KLHL8: variants seen among roughly 807,000 people sequenced by gnomAD.
KLHL8 encodes kelch like family member 8, also known as kelch-like protein 8.
KLHL8 carries 38 observed loss-of-function variants against 63.5 expected under a neutral mutation model. The ratio of observed to expected loss-of-function variants is 0.60; its 90% CI spans 0.46 to 0.78. KLHL8 has a LOEUF of 0.78. Among genes scored for constraint, KLHL8 ranks in the 30% least tolerant of loss-of-function variants. KLHL8 has a pLI of 0.00. For missense variants in KLHL8, 566 were observed against 752.4 expected, an observed-to-expected ratio of 0.75 and a Z score of 2.90; for synonymous variants, 224 against 254.3, an observed-to-expected ratio of 0.88 and a Z score of 1.13.
chr4:87,197,489 A>C (rs1398847918), intron 1 of KLHL8, among the ~76,000 whole-genome samples: 2 of 152,200 alleles, frequency 1.3e-5, no homozygotes, highest in East Asian at 3.9e-4. Context: ...ATTTCTTCAT[A>C]ATTGAGCCTC....
chr4:87,232,604 C>A (rs1285494125), intron 1 of KLHL8, among the ~76,000 whole-genome samples: 1 of 152,188 alleles, frequency 6.6e-6, no homozygotes, highest in Non-Finnish European at 1.5e-5. Context: ...AATTGTCTTC[C>A]AAGATTGTCA....
chr4:87,212,112 C>CA (rs1338054443), intron 1 of KLHL8, among the ~76,000 whole-genome samples: 2 of 152,046 alleles, frequency 1.3e-5, no homozygotes, highest in Non-Finnish European at 2.9e-5. Flanking sequence ...TTGCCAAAGA[C>CA]AAAAAATAAA....
chr4:87,222,705 T>C (rs1732901489), upstream of KLHL8, among the ~76,000 whole-genome samples: 1 of 152,162 alleles, frequency 6.6e-6, no homozygotes, highest in African/African-American at 2.4e-5. Flanking sequence ...TGCCTCAGCC[T>C]CTGCAATAGT....
chr4:87,166,306 C>T (rs564064863), intron 8 of KLHL8, among the ~76,000 whole-genome samples: 16 of 152,324 alleles, frequency 1.1e-4, no homozygotes, highest in African/African-American at 3.8e-4. Context: ...TAAGAGAATG[C>T]TGTATTGTTA....
At chr4:87,169,142 T>C (rs1353521036) in intron 8 of KLHL8, among the ~76,000 whole-genome samples, 7 of 151,858 alleles carry the variant, frequency 4.6e-5, no homozygotes, top group Admixed American at 4.6e-4. Context: ...CTGTCTTTAC[T>C]AAAAATACAA....
At chr4:87,240,021 T>C (rs1158692970) in intron 1 of KLHL8, among the ~76,000 whole-genome samples, 1 of 152,202 alleles carries the variant, frequency 6.6e-6, no homozygotes, top group Admixed American at 6.5e-5. Context: ...AATAATTTAC[T>C]ATCTGATATT....
In KLHL8 at chr4:87,204,143, C is replaced by T. The variant is rs187292777; in HGVS notation, c.-151-8453G>A. ...GGATGACTGCTTAAGCCCAAGAGTTCGAAGCTGTAGTGCACTATCATCCGA... is the reference window on the plus strand; with the variant it reads ...GGATGACTGCTTAAGCCCAAGAGTTTGAAGCTGTAGTGCACTATCATCCGA... On this transcript the variant is annotated intron_variant, in intron 1 of 9. Transcript: ENST00000273963. 5.9e-5 allele frequency among the ~76,000 whole-genome samples: 9 copies of T among 152,236 alleles called. No individual in the cohort carries two copies. The East Asian group carries it at 7.7e-4, about 13-fold the overall frequency.
Position 87,176,773 on chromosome 4 carries a change from A to G in KLHL8, c.1192T>C (p.Ser398Pro). 6.4e-7 allele frequency: 1 copy of G among 1,570,764 alleles called. No individual in the cohort carries two copies. Among genetic ancestry groups the G allele is most frequent in the Admixed American group, 1.7e-5 (1 of 57,532 alleles). Reference sequence around the variant, plus strand: ...CTGATCTACCTCTTTGTGTTCATTGATGCCTTCATCATCCATTTATTAGTG... The same window carrying G: ...CTGATCTACCTCTTTGTGTTCATTGGTGCCTTCATCATCCATTTATTAGTG... ...PLTNKWMMKA[S>P]MNTKRRGIAL... The change falls in exon 6 of 10, where the codon TCA becomes CCA. Residue 398 changes from serine to proline, a missense_variant. By Grantham distance (74) the Ser-to-Pro change is moderately conservative (BLOSUM62 -1). Coordinates refer to ENST00000273963, the MANE Select transcript of KLHL8 (RefSeq NM_020803.5).
Position 87,189,728 on chromosome 4 carries a change from TAAA to T in KLHL8, c.217-3932_217-3930del, listed in dbSNP as rs1006054698. ...TTTTGTAAACTATCTCCACTTCACTTAAAAAAGTTTAGTAAAGGCCGGGCGCAG... is the reference window on the plus strand; with the variant it reads ...TTTTGTAAACTATCTCCACTTCACTTAAAGTTTAGTAAAGGCCGGGCGCAG... On this transcript the variant is annotated intron_variant, in intron 2 of 9. Transcript: ENST00000273963. Among the ~76,000 whole-genome samples the T allele has an allele frequency of 2.6e-5, 4 of 151,992 alleles. No homozygotes were observed. The East Asian group carries it at 7.7e-4, about 29-fold the overall frequency.
intron 1 of KLHL8, among the ~76,000 whole-genome samples, chr4:87,211,113 A>G (rs1732388925): frequency 6.6e-6 from 1 of 152,236 alleles, no homozygotes; most frequent in South Asian, 2.1e-4. Flanking sequence ...ATAAACAAAC[A>G]GAAGTACTTA....
At chr4:87,178,909 T>C (rs1936088462) in intron 4 of KLHL8, among the ~76,000 whole-genome samples, 1 of 152,220 alleles carries the variant, frequency 6.6e-6, no homozygotes, top group Non-Finnish European at 1.5e-5. Context: ...AGCCTCTAAG[T>C]TAATTTCTTA....
chr4:87,168,423 C>T (rs1019741055), intron 8 of KLHL8, among the ~76,000 whole-genome samples: 1 of 152,034 alleles, frequency 6.6e-6, no homozygotes, highest in Non-Finnish European at 1.5e-5. Context: ...GGGATGTGAA[C>T]TGAGTCTTGT....
intron 1 of KLHL8, among the ~76,000 whole-genome samples, chr4:87,205,822 G>A (rs2110033439): frequency 6.6e-6 from 1 of 152,272 alleles, no homozygotes; most frequent in South Asian, 2.1e-4. Flanking sequence ...TGAAGAAACT[G>A]AGGCACAGCA....
chr4:87,208,349 TGTC>T (rs1463397625), intron 1 of KLHL8, among the ~76,000 whole-genome samples: 3 of 151,796 alleles, frequency 2.0e-5, no homozygotes, highest in Non-Finnish European at 4.4e-5. Context: ...TCTAGTGAGT[TGTC>T]TTCTTCTTCT....
At chr4:87,233,585 A>G (rs1733173917) in intron 1 of KLHL8, among the ~76,000 whole-genome samples, 1 of 152,142 alleles carries the variant, frequency 6.6e-6, no homozygotes, top group African/African-American at 2.4e-5. Flanking sequence ...ATAAAAATAA[A>G]AGAATGTAAA....
Position 87,214,886 on chromosome 4 carries a change from C to T in KLHL8, c.-152+5532G>A, listed in dbSNP as rs536831599. On this transcript the variant is annotated intron_variant, in intron 1 of 9. Coordinates refer to ENST00000273963, the MANE Select transcript of KLHL8 (RefSeq NM_020803.5). ...CAATCTCAGCTCACTGCAGCCTCCT[C>T]CTCCTGGGTTCACATGATCCTCCAG... is the stretch of plus-strand genomic sequence containing the variant. 1.4e-3 allele frequency among the ~76,000 whole-genome samples: 213 copies of T among 152,176 alleles called. 2 individuals carry two copies. The highest frequency in any genetic ancestry group is 2.4e-3 in the Non-Finnish European group (163 of 67,992).
Position 87,165,001 on chromosome 4 carries a change from T to G in KLHL8, c.1538-922A>C, listed in dbSNP as rs577476325. ...GTCTCTACTAAAAATACAAAAAAAT[T>G]AGCTGGGCATGGTGGCGGGCGCCTG... is the stretch of plus-strand genomic sequence containing the variant. On this transcript the variant is annotated intron_variant, in intron 8 of 9. Transcript: ENST00000273963. 1.6e-4 allele frequency among the ~76,000 whole-genome samples: 24 copies of G among 151,814 alleles called. No homozygotes were observed. In the East Asian group the frequency reaches 3.3e-3, roughly 21 times the overall value.
intron 1 of KLHL8, among the ~76,000 whole-genome samples, chr4:87,226,964 A>G (rs1157141824): frequency 1.3e-5 from 1 of 79,388 alleles, no homozygotes; most frequent in Non-Finnish European, 2.4e-5. Flanking sequence ...TAAGTAATAT[A>G]TATTATATAT....
intron 1 of KLHL8, among the ~76,000 whole-genome samples, chr4:87,209,848 G>GTTTT (rs35717106): frequency 6.6e-5 from 7 of 105,402 alleles, no homozygotes; most frequent in Admixed American, 2.3e-4. Flanking sequence ...TCCGTTTTGG[G>GTTTT]TTTTTTTTTT....
Sources: allele counts gnomAD v4.1 joint callset (sites outside exome capture counted in the v4.1 genomes callset), GRCh38; gene constraint gnomAD v4.1.1; transcripts MANE v1.5; gene names NCBI Gene and HGNC (gene_info 2026-07-23, HGNC 2026-07-21).